The following DEFB107A variants were observed in gnomAD, a reference collection of about 807,000 sequenced individuals.
The protein encoded by DEFB107A is beta-defensin 107.
At chr8:7,812,762 C>G (rs1184886603) in intron 1 of DEFB107A, among the ~76,000 whole-genome samples, 2 of 134,970 alleles carry the variant, frequency 1.5e-5, no homozygotes, top group African/African-American at 5.1e-5. Context: ...TTTGTTAGTG[C>G]CAAGTTAAGG....
At chr8:7,813,249 A>G (rs1361409761) in intron 1 of DEFB107A, among the ~76,000 whole-genome samples, 1 of 135,434 alleles carries the variant, frequency 7.4e-6, no homozygotes, top group Non-Finnish European at 1.6e-5. Flanking sequence ...AATTTGGAAA[A>G]ATGAAAAAGG....
intron 1 of DEFB107A, among the ~76,000 whole-genome samples, chr8:7,813,808 T>A (rs1451570229): frequency 1.3e-5 from 2 of 151,568 alleles, no homozygotes; most frequent in Non-Finnish European, 2.9e-5. Flanking sequence ...TTCAAATACA[T>A]CTGAGATGAG....
rs1280105523 is a variant in DEFB107A at position 7,813,895 on chromosome 8, T to C, written c.70+1664A>G. Among the ~76,000 whole-genome samples, 6 of 149,428 alleles carry C rather than the reference T, an allele frequency of 4.0e-5. No homozygotes were observed. The East Asian group carries it at 7.9e-4, about 20-fold the overall frequency. ...AAATTGGAGTACTGATTAAAGTGGA[T>C]GGAGAAGACAATTTTAAATGAGTTT... On this transcript the variant is annotated intron_variant, in intron 1 of 1. Coordinates refer to ENST00000335021, the MANE Select transcript of DEFB107A (RefSeq NM_001037668.1).
At chr8:7,813,599 G>T (rs1194797828) in intron 1 of DEFB107A, among the ~76,000 whole-genome samples, 2 of 152,030 alleles carry the variant, frequency 1.3e-5, no homozygotes, top group Non-Finnish European at 2.9e-5. Context: ...ATCATTTATA[G>T]AATGGAAAGT....
chr8:7,813,600 A>G (rs1423305192), intron 1 of DEFB107A, among the ~76,000 whole-genome samples: 1 of 152,082 alleles, frequency 6.6e-6, no homozygotes, highest in South Asian at 2.1e-4. Flanking sequence ...TCATTTATAG[A>G]ATGGAAAGTA....
chr8:7,812,960 T>C (rs1358654079), intron 1 of DEFB107A, among the ~76,000 whole-genome samples: 4 of 151,432 alleles, frequency 2.6e-5, no homozygotes, highest in African/African-American at 7.3e-5. Context: ...CACATATATA[T>C]ATATATACAT....
intron 1 of DEFB107A, among the ~76,000 whole-genome samples, chr8:7,814,976 G>A (rs1323219753): frequency 1.1e-4 from 5 of 47,392 alleles, no homozygotes; most frequent in Non-Finnish European, 1.6e-4. Context: ...GGCCAGGCGC[G>A]GTGGCTCATG....
intron 1 of DEFB107A, among the ~76,000 whole-genome samples, chr8:7,813,334 C>T (rs1387301628): frequency 6.9e-6 from 1 of 144,900 alleles, no homozygotes; most frequent in African/African-American, 2.5e-5. Context: ...GTTAGAATAT[C>T]CTTGGAACCA....
chr8:7,812,795 G>T (rs1336861019), intron 1 of DEFB107A, among the ~76,000 whole-genome samples: 1 of 131,092 alleles, frequency 7.6e-6, no homozygotes, highest in Non-Finnish European at 1.7e-5. Flanking sequence ...GAAAGAAATT[G>T]CAGGGACTTA....
At chr8:7,813,793 T>A (rs1817149654) in intron 1 of DEFB107A, among the ~76,000 whole-genome samples, 1 of 151,766 alleles carries the variant, frequency 6.6e-6, no homozygotes, top group African/African-American at 2.4e-5. Flanking sequence ...TGCTTATTAT[T>A]GTAATTCAAA....
At chr8:7,813,565 C>T (rs1817139257) in intron 1 of DEFB107A, among the ~76,000 whole-genome samples, 1 of 151,956 alleles carries the variant, frequency 6.6e-6, no homozygotes, top group Non-Finnish European at 1.5e-5. Context: ...GTTTATTCAT[C>T]TTCAAAACAA....
chr8:7,812,799 G>A lies in DEFB107A; in HGVS notation c.71-849C>T, dbSNP rs1371426288. On this transcript the variant is annotated intron_variant, in intron 1 of 1. Transcript: ENST00000335021. ...AAAGACTAATGGAAAGAAATTGCAG[G>A]GACTTAGATTTCTGCTCAAATTAAG... Among the ~76,000 whole-genome samples, 2 of 130,440 alleles carry A rather than the reference G, an allele frequency of 1.5e-5. 1 individual carries two copies. Among genetic ancestry groups the A allele is most frequent in the Admixed American group, 1.6e-4 (2 of 12,404 alleles). 85.6% of individuals were successfully genotyped at this position (130,440 alleles called of 152,430 possible). A position where few individuals can be genotyped will look rare whatever the true frequency, so the allele number is the denominator to read the frequency against.
chr8:7,813,003 G>T (rs573276193), intron 1 of DEFB107A, among the ~76,000 whole-genome samples: 3 of 151,514 alleles, frequency 2.0e-5, no homozygotes, highest in Non-Finnish European at 2.9e-5. Flanking sequence ...TCAGGGCAGA[G>T]AACAAAAAAA....
intron 1 of DEFB107A, among the ~76,000 whole-genome samples, chr8:7,813,536 T>A (rs1817137936): frequency 6.6e-6 from 1 of 151,898 alleles, no homozygotes; most frequent in Non-Finnish European, 1.5e-5. Context: ...AACAAGTTAG[T>A]TTCTAATTAA....
rs1284988654 is a variant in DEFB107A, at chr8:7,812,092, T to TCAGATGTTA, written c.71-151_71-143dup. 13 of 45,952 alleles carry TCAGATGTTA rather than the reference T, an allele frequency of 2.8e-4. No homozygotes were observed. The African/African-American group carries it at 3.1e-3, about 11-fold the overall frequency. 2.8% of individuals were successfully genotyped at this position (45,952 alleles called of 1,614,324 possible). On this transcript the variant is annotated intron_variant, in intron 1 of 1. Transcript: ENST00000335021. ...ACTATAAACCTAGAAATTAGAAAAATCAGATGTTATCTGAACAGTCATGTC... is the reference window on the plus strand; with the variant it reads ...ACTATAAACCTAGAAATTAGAAAAATCAGATGTTACAGATGTTATCTGAACAGTCATGTC...
intron 1 of DEFB107A, among the ~76,000 whole-genome samples, chr8:7,812,692 G>C (rs1382268558): frequency 1.2e-4 from 17 of 136,418 alleles, no homozygotes; most frequent in African/African-American, 4.1e-4. Context: ...TAACAACTTT[G>C]GGGGAGAAAC....
intron 1 of DEFB107A, among the ~76,000 whole-genome samples, chr8:7,812,940 C>G (rs1171429667): frequency 6.6e-6 from 1 of 150,958 alleles, no homozygotes; most frequent in East Asian, 1.9e-4. Context: ...CACATACACA[C>G]ACACACACAC....
At chr8:7,812,952 CAT>C (rs1491404479) in intron 1 of DEFB107A, among the ~76,000 whole-genome samples, 36 of 149,098 alleles carry the variant, frequency 2.4e-4, no homozygotes, top group African/African-American at 4.8e-4. Context: ...CACACACACA[CAT>C]ATATATATAT....
chr8:7,813,342 C>T (rs1478442238), intron 1 of DEFB107A, among the ~76,000 whole-genome samples: 1 of 145,264 alleles, frequency 6.9e-6, no homozygotes, highest in Non-Finnish European at 1.5e-5. Context: ...ATCCTTGGAA[C>T]CAAATAAAAT....
Sources: gnomAD v4.1 joint callset for allele counts (sites outside exome capture counted in the v4.1 genomes callset) on GRCh38, gnomAD v4.1.1 for gene constraint, MANE v1.5 for transcripts, NCBI Gene and HGNC (gene_info 2026-07-23, HGNC 2026-07-21) for gene names.